SEC24D: variants seen among roughly 807,000 people sequenced by gnomAD.
The protein encoded by SEC24D is SEC24 homolog D, COPII component, also known as protein transport protein Sec24D.
A neutral mutation model predicts 116.9 loss-of-function variants in SEC24D; 69 were observed. The observed-to-expected ratio is 0.59, with a 90% CI of 0.49 to 0.72. The LOEUF (loss-of-function observed/expected upper bound fraction) is 0.72. SEC24D is among the 30% of genes least tolerant of loss of function. The pLI is 0.00. For missense variants in SEC24D, 1,131 were observed against 1,264.1 expected (o/e 0.89, Z 1.60); for synonymous variants, 405 against 442.8 (o/e 0.91, Z 1.07).
intron 7 of SEC24D, among the ~76,000 whole-genome samples, chr4:118,803,370 C>G (rs1729534520): frequency 6.6e-6 from 1 of 152,208 alleles, no homozygotes; most frequent in Non-Finnish European, 1.5e-5. Flanking sequence ...TCTCCCACTA[C>G]CGTACTTCAG....
intron 19 of SEC24D, among the ~76,000 whole-genome samples, chr4:118,734,737 A>C (rs1725869279): frequency 6.6e-6 from 1 of 152,188 alleles, no homozygotes; most frequent in Non-Finnish European, 1.5e-5. Flanking sequence ...TTCCCCCGTC[A>C]ACTTCTAATC....
At position 118,809,270 on chromosome 4, in the gene SEC24D, C is replaced by T. The variant is rs1167873574; in HGVS notation, c.802-3316G>A. Among the ~76,000 whole-genome samples, 3 of 152,034 alleles carry T rather than the reference C, an allele frequency of 2.0e-5. No homozygotes were observed. The South Asian group carries it at 6.2e-4, about 32-fold the overall frequency. ...TACAGGTGTGAGCCACCTCACCCAG[C>T]CTACAGAAAGCACCCAACTTCTGAA... is the stretch of plus-strand genomic sequence containing the variant. On this transcript the variant is annotated intron_variant, in intron 6 of 22. Coordinates refer to ENST00000280551, the MANE Select transcript of SEC24D (RefSeq NM_014822.4).
intron 8 of SEC24D, among the ~76,000 whole-genome samples, chr4:118,776,929 T>C (rs1291242119): frequency 6.6e-6 from 1 of 152,084 alleles, no homozygotes; most frequent in African/African-American, 2.4e-5. Context: ...CAAAGGAAAG[T>C]TGTGAAATAC....
intron 19 of SEC24D, chr4:118,733,244 GTT>G (rs34557737): frequency 1.4e-3 from 234 of 162,288 alleles, no homozygotes; most frequent in Middle Eastern, 3.1e-3. Flanking sequence ...TTTTCTCAGT[GTT>G]TTTTTTTTTT....
At chr4:118,769,026 A>G (rs1047199651) in intron 8 of SEC24D, among the ~76,000 whole-genome samples, 2 of 152,212 alleles carry the variant, frequency 1.3e-5, no homozygotes, top group African/African-American at 4.8e-5. Flanking sequence ...GGCCTGATTT[A>G]AAAAGTTCTA....
chr4:118,755,517 A>AAAC (rs1727050176), intron 11 of SEC24D, among the ~76,000 whole-genome samples: 1 of 152,008 alleles, frequency 6.6e-6, no homozygotes, highest in Admixed American at 6.6e-5. Flanking sequence ...ATAACAGATG[A>AAAC]AACATTCAAA....
At chr4:118,757,873 ATAAAG>A (rs766390380) in intron 10 of SEC24D, 28 bp from the exon 11 acceptor site, 34 of 1,574,134 alleles carry the variant, frequency 2.2e-5, no homozygotes, top group Non-Finnish European at 2.7e-5. Flanking sequence ...CATCACATAA[ATAAAG>A]TAAATACATT....
intron 13 of SEC24D, among the ~76,000 whole-genome samples, chr4:118,748,598 C>A (rs1726663340): frequency 6.6e-6 from 1 of 152,138 alleles, no homozygotes; most frequent in South Asian, 2.1e-4. Context: ...TTGAGAGAGG[C>A]TGGCTTGGAG....
At chr4:118,749,755 G>A (rs960491029) in intron 13 of SEC24D, among the ~76,000 whole-genome samples, 1 of 152,174 alleles carries the variant, frequency 6.6e-6, no homozygotes, top group African/African-American at 2.4e-5. Flanking sequence ...CTAGGGGCAG[G>A]GACAGCAGTG....
Position 118,815,017 on chromosome 4 carries a change from A to C in SEC24D, c.801+11T>G, listed in dbSNP as rs1211446931. On this transcript the variant is annotated intron_variant, in intron 6 of 22. Coordinates refer to ENST00000280551, the MANE Select transcript of SEC24D (RefSeq NM_014822.4). ...TGTGAGTGAGACTGTGAGAGTGAGA[A>C]GAGTACTTACTGGGCTAGGGATAGA... is the stretch of plus-strand genomic sequence containing the variant. 1 of 1,612,620 alleles carries C rather than the reference A, an allele frequency of 6.2e-7. No homozygotes were observed. The highest frequency in any genetic ancestry group is 1.3e-5 in the African/African-American group (1 of 74,874).
At chr4:118,763,241 A>C (rs1727471638) in intron 10 of SEC24D, among the ~76,000 whole-genome samples, 1 of 152,206 alleles carries the variant, frequency 6.6e-6, no homozygotes, top group African/African-American at 2.4e-5. Context: ...GCAACATCTT[A>C]AACTAATAAA....
intron 1 of SEC24D, among the ~76,000 whole-genome samples, chr4:118,835,121 G>A (rs1287154830): frequency 6.6e-6 from 1 of 152,184 alleles, no homozygotes; most frequent in Non-Finnish European, 1.5e-5. Flanking sequence ...GTGGCAGCCT[G>A]AGCGCTGGTC....
chr4:118,795,519 T>C (rs1729140861), intron 8 of SEC24D, among the ~76,000 whole-genome samples: 1 of 152,032 alleles, frequency 6.6e-6, no homozygotes, highest in African/African-American at 2.4e-5. Flanking sequence ...TAAAACCTCT[T>C]ATAGTAGGCC....
chr4:118,784,905 T>C (rs1432748961), intron 8 of SEC24D, among the ~76,000 whole-genome samples: 1 of 152,152 alleles, frequency 6.6e-6, no homozygotes, highest in African/African-American at 2.4e-5. Flanking sequence ...CCTTATGAAA[T>C]TGTTATTCTA....
Position 118,745,014 on chromosome 4 carries a change from G to T in SEC24D, c.1754C>A (p.Pro585Gln). 6.2e-7 allele frequency: 1 copy of T among 1,612,190 alleles called. No homozygotes were observed. The highest frequency in any genetic ancestry group is 8.5e-7 in the Non-Finnish European group (1 of 1,179,382). ...GAGCTTCCCTGGTGCTTCAGCAGTT[G>T]GCAAGGAAGAATGGAAGATGAACAG... ...GKLFIFHSSLPTAEAPGKLKN... is the reference protein window; with the variant it reads ...GKLFIFHSSLQTAEAPGKLKN... The change falls in exon 14 of 23, where the codon CCA becomes CAA. Residue 585 changes from proline (P) to glutamine (Q), a missense_variant. Pro to Gln is a moderately conservative substitution (Grantham distance 76). Transcript: ENST00000280551.
chr4:118,738,851 G>A (rs1024569080), intron 18 of SEC24D, among the ~76,000 whole-genome samples: 6 of 152,170 alleles, frequency 3.9e-5, no homozygotes, highest in African/African-American at 1.4e-4. Context: ...CAATGTGTCA[G>A]AGGGCATGAT....
intron 6 of SEC24D, among the ~76,000 whole-genome samples, chr4:118,806,644 A>G (rs920757940): frequency 1.4e-4 from 18 of 128,622 alleles, no homozygotes; most frequent in African/African-American, 4.6e-4. Context: ...GCATTTTCTT[A>G]AAAAAAAAAA....
intron 3 of SEC24D, among the ~76,000 whole-genome samples, chr4:118,818,357 C>T (rs898463855): frequency 2.0e-5 from 3 of 152,202 alleles, no homozygotes; most frequent in African/African-American, 7.2e-5. Context: ...AGGTTAGGAG[C>T]AGAGCCTGAG....
chr4:118,760,716 T>G (rs13109368), intron 10 of SEC24D: 15 of 151,774 alleles, frequency 9.9e-5, no homozygotes, highest in South Asian at 4.2e-4. Context: ...TCAATTTTTT[T>G]TTTGTTTGTT....
Sources: allele counts gnomAD v4.1 joint callset (sites outside exome capture counted in the v4.1 genomes callset), GRCh38; gene constraint gnomAD v4.1.1; transcripts MANE v1.5; gene names NCBI Gene and HGNC (gene_info 2026-07-23, HGNC 2026-07-21).